Variants in STAM2 observed in about 807,000 individuals in gnomAD.
The protein encoded by STAM2 is signal transducing adaptor molecule 2, also known as signal transducing adapter molecule 2.
STAM2 carries 51 observed loss-of-function variants against 65.6 expected under a neutral mutation model. The ratio of observed to expected loss-of-function variants is 0.78; its 90% confidence interval spans 0.62 to 0.98. The LOEUF (loss-of-function observed/expected upper bound fraction) is 0.98, where lower values mean the gene tolerates loss of function less well. Among genes scored for constraint, STAM2 ranks in the 50% least tolerant of loss-of-function variants. STAM2 has a pLI of 0.00. For synonymous variants in STAM2, 198 were observed against 208.4 expected, an observed-to-expected ratio of 0.95 and a Z score of 0.43; for missense variants, 584 against 617.8, an observed-to-expected ratio of 0.95 and a Z score of 0.58.
intron 2 of STAM2, 83 bp downstream of exon 2, chr2:152,150,062 T>C (rs1689413289): frequency 2.2e-6 from 2 of 929,486 alleles, no homozygotes; most frequent in Admixed American, 2.1e-5. Context: ...TAAAGTCTCA[T>C]TTTCCTCTCA....
chr2:152,126,514 C>G, intron 11 of STAM2, 135 bp from the exon 12 acceptor site: 2 of 508,494 alleles, frequency 3.9e-6, no homozygotes, highest in Non-Finnish European at 6.1e-6. Flanking sequence ...AAAGAATATT[C>G]ACAAAGGGAA....
intron 1 of STAM2, 81 bp downstream of exon 1, chr2:152,175,522 C>T: frequency 2.5e-6 from 4 of 1,568,726 alleles, no homozygotes; most frequent in Non-Finnish European, 3.5e-6. Flanking sequence ...TCCCCGGAGT[C>T]GCTACCGCCC....
chr2:152,155,769 C>T (rs1238640730), intron 1 of STAM2, among the ~76,000 whole-genome samples: 1 of 152,144 alleles, frequency 6.6e-6, no homozygotes. Flanking sequence ...AATATCTACC[C>T]ACATTCTTTT....
intron 1 of STAM2, among the ~76,000 whole-genome samples, chr2:152,163,776 AGT>A (rs1446907107): frequency 2.0e-5 from 3 of 152,106 alleles, no homozygotes; most frequent in African/African-American, 4.8e-5. Flanking sequence ...CCGCTCTGGG[AGT>A]GTGTGTCTTA....
rs1579307432 is a variant in STAM2, at chr2:152,120,661, C to T, written c.1491G>A (p.Leu497=). ...TCACCGGAAAGCCTGCCAGTTGAGG[C>T]AAATTGGAAGTAGTGTTCTGATAAG... ...MSSYQNTTSN[L]PQLAGFPVTV... is the part of the protein sequence containing the mutation. The change falls in exon 14 of 14, where the codon TTG becomes TTA. Residue 497 remains leucine, a synonymous_variant. Transcript: ENST00000263904. 1.9e-6 allele frequency: 3 copies of T among 1,614,108 alleles called. No individual in the cohort carries two copies. Among genetic ancestry groups the T allele is most frequent in the African/African-American group, 2.7e-5 (2 of 75,020 alleles).
intron 1 of STAM2, among the ~76,000 whole-genome samples, chr2:152,170,029 G>T (rs1689871082): frequency 6.6e-6 from 1 of 151,864 alleles, no homozygotes; most frequent in South Asian, 2.1e-4. Flanking sequence ...GTAGAGACAC[G>T]TTTCATCATG....
At position 152,133,239 on chromosome 2, in the gene STAM2, G is replaced by A; in HGVS notation, c.904C>T (p.Gln302Ter). 6.2e-7 allele frequency: 1 copy of A among 1,610,382 alleles called. No homozygotes were observed. The highest frequency in any genetic ancestry group is 8.5e-7 in the Non-Finnish European group (1 of 1,178,378). Residue 302 changes from glutamine (Q) to a stop codon, truncating the protein, a stop_gained, in exon 10 of 14, where the codon CAG becomes TAG. Transcript: ENST00000263904. LOFTEE classifies it high-confidence loss of function. Reference protein sequence around the residue: ...IDEDKMDRALQVLQSIDPTDS... With the variant: ...IDEDKMDRAL The stretch of plus-strand genomic sequence containing the variant: ...GTTGGATCTATACTCTGAAGTACCT[G>A]CAGGGCTCTATCCATCTTATCCTAA...
intron 1 of STAM2, among the ~76,000 whole-genome samples, chr2:152,174,781 G>T (rs952471812): frequency 6.6e-6 from 1 of 152,244 alleles, no homozygotes; most frequent in Middle Eastern, 3.4e-3. Context: ...AATTCTAGTC[G>T]CACCTGGGCA....
In STAM2 at chr2:152,126,452, T is replaced by A. The variant is rs1362542003; in HGVS notation, c.1026-73A>T. The A allele has an allele frequency of 4.2e-6, 4 of 957,874 alleles. No individual in the cohort carries two copies. In the African/African-American group the frequency reaches 5.1e-5, roughly 12 times the overall value. The allele number at this position is 957,874 out of a possible 1,614,324, so 59.3% of individuals were successfully genotyped here. A position where few individuals can be genotyped will look rare whatever the true frequency, so the allele number is the denominator to read the frequency against. On this transcript the variant is annotated intron_variant, in intron 11 of 13. Coordinates refer to ENST00000263904, the MANE Select transcript of STAM2 (RefSeq NM_005843.6). ...TATTTAGTAATATAAATTATTTTTT[T>A]AATTTAGCACAATTTCTATTAATAT...
At chr2:152,134,418 A>G (rs3768650) in intron 8 of STAM2, among the ~76,000 whole-genome samples, 65,981 of 152,018 alleles carry the variant, frequency 0.43, 15,980 homozygotes, top group East Asian at 0.84. Context: ...AGTCAGTTAA[A>G]AGGAATAAAA....
rs181360778 is a variant in STAM2, at chr2:152,170,356, G to A, written c.40+5247C>T. ...AAATTACCTGGGCATGGTAGCAGGC[G>A]TCTGTAATCCCAGCTACTTGGGAGG... On this transcript the variant is annotated intron_variant, in intron 1 of 13. Coordinates refer to ENST00000263904, the MANE Select transcript of STAM2 (RefSeq NM_005843.6). Among the ~76,000 whole-genome samples, 519 of 151,992 alleles carry A rather than the reference G, an allele frequency of 3.4e-3. 3 individuals carry two copies. Among genetic ancestry groups the A allele is most frequent in the African/African-American group, 0.012 (498 of 41,508 alleles).
At chr2:152,130,783 G>A (rs1481587028) in intron 11 of STAM2, among the ~76,000 whole-genome samples, 3 of 151,542 alleles carry the variant, frequency 2.0e-5, no homozygotes, top group Admixed American at 1.3e-4. Flanking sequence ...CGGATCACGA[G>A]GTCAGGAGTT....
Position 152,120,138 on chromosome 2 carries a change from A to G in STAM2, c.*436T>C. The G allele has an allele frequency of 6.5e-6, 1 of 154,726 alleles. No homozygotes were observed. The highest frequency in any genetic ancestry group is 2.4e-5 in the African/African-American group (1 of 41,540). 9.6% of individuals were successfully genotyped at this position (154,726 alleles called of 1,614,324 possible). ...TAGGGGGAAACAGTGGTTTCTTTAAAATAATATTTTAATCCTCCTATCTCA... is the reference window on the plus strand; with the variant it reads ...TAGGGGGAAACAGTGGTTTCTTTAAGATAATATTTTAATCCTCCTATCTCA... On this transcript the variant is annotated 3_prime_UTR_variant, in exon 14 of 14. Coordinates refer to ENST00000263904, the MANE Select transcript of STAM2 (RefSeq NM_005843.6).
chr2:152,163,332 A>G (rs1689719202), intron 1 of STAM2, among the ~76,000 whole-genome samples: 1 of 152,230 alleles, frequency 6.6e-6, no homozygotes, highest in African/African-American at 2.4e-5. Context: ...ATGGACATTT[A>G]TCAGTTCCCA....
chr2:152,130,078 A>G (rs879299523), intron 11 of STAM2, among the ~76,000 whole-genome samples: 1 of 152,100 alleles, frequency 6.6e-6, no homozygotes, highest in Admixed American at 6.5e-5. Context: ...TTCAATAAAT[A>G]CCACTAGAAA....
chr2:152,135,692 T>C, intron 7 of STAM2, 89 bp from the exon 8 acceptor site: 1 of 821,658 alleles, frequency 1.2e-6, no homozygotes, highest in South Asian at 1.6e-5. Flanking sequence ...TAGCCTCCTT[T>C]GAATATATCC....
intron 8 of STAM2, 146 bp from the exon 9 acceptor site, chr2:152,133,630 C>T (rs989475988): frequency 3.1e-5 from 19 of 613,002 alleles, no homozygotes; most frequent in African/African-American, 9.3e-5. Context: ...ATATTACATA[C>T]GTTTATTACA....
intron 7 of STAM2, among the ~76,000 whole-genome samples, chr2:152,137,487 G>C (rs1689177683): frequency 6.6e-6 from 1 of 152,052 alleles, no homozygotes; most frequent in Non-Finnish European, 1.5e-5. Context: ...TTTTTTCATG[G>C]ATCTGTAGAA....
At position 152,117,395 on chromosome 2, in the gene STAM2, G is replaced by A. The variant is rs1451130514; in HGVS notation, c.*3179C>T. ...GTTGGTCTCAAACTCCTAGCCTCAA[G>A]CAATACTCCTATCTCAGGCTCCCAA... On this transcript the variant is annotated 3_prime_UTR_variant, in exon 14 of 14. Transcript: ENST00000263904. The A allele has an allele frequency of 6.6e-6, 1 of 152,100 alleles. No individual in the cohort carries two copies. The highest frequency in any genetic ancestry group is 1.5e-5 in the Non-Finnish European group (1 of 68,040). The allele number at this position is 152,100 out of a possible 1,614,324, so 9.4% of individuals were successfully genotyped here.
Sources: gnomAD v4.1 joint callset for allele counts (sites outside exome capture counted in the v4.1 genomes callset) on GRCh38, gnomAD v4.1.1 for gene constraint, MANE v1.5 for transcripts, NCBI Gene and HGNC (gene_info 2026-07-23, HGNC 2026-07-21) for gene names.